The following PDE11A variants were observed in gnomAD, a reference collection of about 807,000 sequenced individuals.
PDE11A encodes the protein dual 3',5'-cyclic-AMP and -GMP phosphodiesterase 11A.
Under a neutral mutation model 100.5 loss-of-function variants are expected in PDE11A, and 100 were observed. The ratio of observed to expected loss-of-function variants is 1.00; its 90% confidence interval spans 0.85 to 1.18. The LOEUF (loss-of-function observed/expected upper bound fraction) is 1.18, where lower values mean the gene tolerates loss of function less well. PDE11A is among the 50% of genes most tolerant of loss of function. PDE11A has a pLI of 0.00. For synonymous variants in PDE11A, 381 were observed against 420.8 expected (o/e 0.91, Z 1.16); for missense variants, 1,141 against 1,152.6 (o/e 0.99, Z 0.15).
chr2:177,859,165 G>A (rs2083898669), intron 5 of PDE11A, among the ~76,000 whole-genome samples: 1 of 151,954 alleles, frequency 6.6e-6, no homozygotes, highest in African/African-American at 2.4e-5. Context: ...GTTAATGGGT[G>A]CAGCACACCA....
intron 2 of PDE11A, among the ~76,000 whole-genome samples, chr2:177,991,502 G>A (rs2086004078): frequency 6.7e-6 from 1 of 150,052 alleles, no homozygotes; most frequent in South Asian, 2.2e-4. Context: ...AGGCGTGGTG[G>A]CAGGCACTTG....
chr2:177,852,439 AG>A (rs1480020105), intron 5 of PDE11A, among the ~76,000 whole-genome samples: 1 of 152,226 alleles, frequency 6.6e-6, no homozygotes, highest in Admixed American at 6.5e-5. Context: ...CATTGACTAG[AG>A]GTCAATCTGA....
At chr2:177,939,210 C>T (rs2085314272) in intron 2 of PDE11A, among the ~76,000 whole-genome samples, 1 of 152,016 alleles carries the variant, frequency 6.6e-6, no homozygotes, top group Non-Finnish European at 1.5e-5. Flanking sequence ...TGTTTATCAA[C>T]AACTGCTAAC....
intron 2 of PDE11A, among the ~76,000 whole-genome samples, chr2:177,938,407 C>A (rs758767461): frequency 6.6e-6 from 1 of 152,186 alleles, no homozygotes. Context: ...GGTGCACCAG[C>A]AGGCTGGCTT....
At chr2:177,754,476 G>C (rs1455259091) in intron 10 of PDE11A, among the ~76,000 whole-genome samples, 1 of 152,216 alleles carries the variant, frequency 6.6e-6, no homozygotes, top group Admixed American at 6.5e-5. Flanking sequence ...TACTTTGGTA[G>C]AATTTGTGTT....
intron 1 of PDE11A, among the ~76,000 whole-genome samples, chr2:178,049,609 A>G (rs1424338072): frequency 6.6e-6 from 1 of 152,194 alleles, no homozygotes; most frequent in Non-Finnish European, 1.5e-5. Context: ...AGCCCAGGGA[A>G]GCTGTGACAG....
chr2:178,079,402 A>G (rs558323370), intron 2 of PDE11A, among the ~76,000 whole-genome samples: 20 of 149,782 alleles, frequency 1.3e-4, no homozygotes, highest in African/African-American at 3.7e-4. Context: ...TTGGTTTTCT[A>G]TTCCTGCGTT....
rs189986175 is a variant in PDE11A, at chr2:177,729,182, C to T, written c.1789-1010G>A. On this transcript the variant is annotated intron_variant, in intron 10 of 19. Transcript: ENST00000286063. ...CATAATTAATCCTTGCTTCCCAACT[C>T]TATGCTCCTCCATAGGTGGAGCTTA... Among the ~76,000 whole-genome samples, 162 of 152,288 alleles carry T rather than the reference C, an allele frequency of 1.1e-3. 1 individual carries two copies. Among genetic ancestry groups the T allele is most frequent in the African/African-American group, 3.5e-3 (144 of 41,564 alleles).
At chr2:177,872,555 A>G (rs955924756) in intron 5 of PDE11A, among the ~76,000 whole-genome samples, 2 of 152,214 alleles carry the variant, frequency 1.3e-5, no homozygotes, top group Non-Finnish European at 2.9e-5. Flanking sequence ...ATCTATAAAA[A>G]TCAGCAAGCC....
chr2:177,789,723 C>T (rs1019881032), intron 9 of PDE11A, among the ~76,000 whole-genome samples: 18 of 152,240 alleles, frequency 1.2e-4, no homozygotes, highest in African/African-American at 4.3e-4. Flanking sequence ...ACAAAAATCA[C>T]AAGCATTTTT....
At chr2:178,065,875 A>G (rs1196630413) in intron 1 of PDE11A, among the ~76,000 whole-genome samples, 26 of 152,176 alleles carry the variant, frequency 1.7e-4, no homozygotes, top group Admixed American at 1.7e-3. Flanking sequence ...AACACTTTCA[A>G]TGTGATTATT....
At chr2:177,971,776 A>G (rs2085773527) in intron 2 of PDE11A, among the ~76,000 whole-genome samples, 1 of 152,156 alleles carries the variant, frequency 6.6e-6, no homozygotes, top group Non-Finnish European at 1.5e-5. Context: ...GGACAATAAT[A>G]CCAGTCACTC....
At chr2:177,885,685 C>G (rs1345427525) in intron 4 of PDE11A, among the ~76,000 whole-genome samples, 1 of 152,090 alleles carries the variant, frequency 6.6e-6, no homozygotes, top group African/African-American at 2.4e-5. Context: ...TTGCAACTCA[C>G]TTGAGAAGGA....
chr2:177,985,402 T>A (rs2085928869), intron 2 of PDE11A, among the ~76,000 whole-genome samples: 1 of 152,214 alleles, frequency 6.6e-6, no homozygotes, highest in Non-Finnish European at 1.5e-5. Flanking sequence ...GCTATTTCAT[T>A]TAATCTGTGC....
Position 177,905,081 on chromosome 2 carries a change from T to A in PDE11A, c.1161+17A>T. 7.2e-7 allele frequency: 1 copy of A among 1,382,406 alleles called. No homozygotes were observed. The highest frequency in any genetic ancestry group is 1.0e-6 in the Non-Finnish European group (1 of 968,124). The allele number at this position is 1,382,406 out of a possible 1,614,324, so 85.6% of individuals were successfully genotyped here. A position where few individuals can be genotyped will look rare whatever the true frequency, so the allele number is the denominator to read the frequency against. On this transcript the variant is annotated intron_variant, in intron 3 of 19. Coordinates refer to ENST00000286063, the MANE Select transcript of PDE11A (RefSeq NM_016953.4). ...AGAGAGTTTTGAGGAGTGTCAACAA[T>A]GTTTTTATTTACTCACTCTGCTTCT... is the stretch of plus-strand genomic sequence containing the variant.
chr2:177,800,219 C>T (rs1275664738), intron 9 of PDE11A, among the ~76,000 whole-genome samples: 1 of 145,476 alleles, frequency 6.9e-6, no homozygotes, highest in African/African-American at 2.6e-5. Flanking sequence ...GCTTTCTTCC[C>T]CAGGCTGTGG....
chr2:177,731,544 C>A (rs1574087647), intron 10 of PDE11A, among the ~76,000 whole-genome samples: 1 of 152,138 alleles, frequency 6.6e-6, no homozygotes, highest in African/African-American at 2.4e-5. Flanking sequence ...ACCCTGCACG[C>A]CCACCCTCAC....
intron 9 of PDE11A, among the ~76,000 whole-genome samples, chr2:177,811,863 A>T (rs2082953464): frequency 6.6e-6 from 1 of 152,200 alleles, no homozygotes; most frequent in Admixed American, 6.5e-5. Flanking sequence ...TGGGATGTTC[A>T]GTGGTGTGAC....
intron 3 of PDE11A, among the ~76,000 whole-genome samples, chr2:177,901,907 T>C (rs1370659283): frequency 6.6e-6 from 1 of 152,248 alleles, no homozygotes; most frequent in Admixed American, 6.5e-5. Context: ...GAAAAATTAA[T>C]TGTGCCTTGA....
Sources: gnomAD v4.1 joint callset for allele counts (sites outside exome capture counted in the v4.1 genomes callset) on GRCh38, gnomAD v4.1.1 for gene constraint, MANE v1.5 for transcripts, NCBI Gene and HGNC (gene_info 2026-07-23, HGNC 2026-07-21) for gene names.